Variants in PAEP observed in about 807,000 individuals in gnomAD.
The protein encoded by PAEP is progestagen associated endometrial protein.
A neutral mutation model predicts 23.0 loss-of-function variants in PAEP; 28 were observed. The observed-to-expected ratio is 1.22, with a 90% CI of 0.90 to 1.67. The LOEUF is 1.67. PAEP is among the 40% of genes most tolerant of loss of function. PAEP has a pLI of 0.00. For synonymous variants in PAEP, 103 were observed against 92.4 expected, an observed-to-expected ratio of 1.12 and a Z score of -0.66; for missense variants, 209 against 226.4, an observed-to-expected ratio of 0.92 and a Z score of 0.49.
chr9:135,562,182 C>T (rs2119021686), intron 1 of PAEP, 112 bp from the exon 2 acceptor site: 2 of 1,230,210 alleles, frequency 1.6e-6, no homozygotes, highest in East Asian at 2.5e-5. Context: ...AGATAGCAGA[C>T]AACCATCCAA....
At chr9:135,564,000 C>G (rs1000489982) in intron 3 of PAEP, among the ~76,000 whole-genome samples, 9 of 152,198 alleles carry the variant, frequency 5.9e-5, no homozygotes, top group African/African-American at 1.9e-4. Flanking sequence ...CCCTGCCTGC[C>G]GTGTCTGCCT....
At chr9:135,564,925 G>T (rs1157004551) in intron 4 of PAEP, 2 of 969,052 alleles carry the variant, frequency 2.1e-6, no homozygotes, top group African/African-American at 3.5e-5. Flanking sequence ...TACTCACTGG[G>T]CGTCCAGTCA....
intron 3 of PAEP, among the ~76,000 whole-genome samples, chr9:135,563,569 G>T (rs1277176930): frequency 6.6e-6 from 1 of 152,114 alleles, no homozygotes; most frequent in African/African-American, 2.4e-5. Flanking sequence ...GTTCCCGTGG[G>T]CCTGGCTGCC....
At position 135,562,436 on chromosome 9, in the gene PAEP, G is replaced by A. The variant is rs199808743; in HGVS notation, c.236+3G>A. The A allele has an allele frequency of 4.8e-5, 78 of 1,613,230 alleles. No homozygotes were observed. Among genetic ancestry groups the A allele is most frequent in the Non-Finnish European group, 6.2e-5 (73 of 1,179,630 alleles). The stretch of plus-strand genomic sequence containing the variant: ...CTGGAGATCGTTCTGCACAGATGGT[G>A]GGTTTCTCATCATTGAGACGGGCTG... On this transcript the variant is annotated splice_donor_region_variant and intron_variant, in intron 2 of 6. Transcript: ENST00000479141.
intron 4 of PAEP, 27 bp downstream of exon 4, chr9:135,564,381 C>G: frequency 1.3e-6 from 2 of 1,547,356 alleles, no homozygotes; most frequent in Non-Finnish European, 1.7e-6. Context: ...ATGAGCTCAA[C>G]GTGGGTGAGA....
intron 1 of PAEP, 94 bp downstream of exon 1, chr9:135,561,991 C>A: frequency 2.0e-6 from 2 of 1,002,034 alleles, no homozygotes; most frequent in Non-Finnish European, 3.0e-6. Context: ...CAGAAACCTA[C>A]AGGAAGCACA....
chr9:135,565,212 G>A, intron 4 of PAEP, 198 bp from the exon 5 acceptor site: 1 of 596,744 alleles, frequency 1.7e-6, no homozygotes, highest in Non-Finnish European at 3.0e-6. Flanking sequence ...AGGAGTGGGA[G>A]CTGGGGTCAG....
intron 3 of PAEP, among the ~76,000 whole-genome samples, chr9:135,563,867 G>C (rs1041855216): frequency 6.6e-6 from 1 of 151,892 alleles, no homozygotes; most frequent in Non-Finnish European, 1.5e-5. Flanking sequence ...CCCCAGAATC[G>C]AGCCACTCTC....
chr9:135,565,771 A>G lies in PAEP; in HGVS notation c.527-14A>G, dbSNP rs1205126756. On this transcript the variant is annotated splice_polypyrimidine_tract_variant and intron_variant, in intron 5 of 6. Coordinates refer to ENST00000479141, the MANE Select transcript of PAEP (RefSeq NM_002571.4). ...CTCTCGCTGACACCTCCACTGTCCC[A>G]TCTCCTCCCACAGAGCCGTGCCGTT... The G allele has an allele frequency of 6.2e-7, 1 of 1,613,878 alleles. No homozygotes were observed. The highest frequency in any genetic ancestry group is 1.1e-5 in the South Asian group (1 of 91,046).
rs538639707 is a variant in PAEP, at chr9:135,562,852, T to A, written c.269T>A (p.Leu90His). Residue 90 changes from leucine (L) to histidine (H), a missense_variant, in exon 3 of 7, where the codon CTT becomes CAT. Transcript: ENST00000479141. ...ENNSCVEKKV[L>H]GEKTENPKKF... ...AACAGCTGTGTTGAGAAGAAGGTCCTTGGAGAGAAGACTGAGAATCCAAAG... is the reference window on the plus strand; with the variant it reads ...AACAGCTGTGTTGAGAAGAAGGTCCATGGAGAGAAGACTGAGAATCCAAAG... 2 of 1,614,048 alleles carry A rather than the reference T, an allele frequency of 1.2e-6. No homozygotes were observed. The highest frequency in any genetic ancestry group is 2.2e-5 in the South Asian group (2 of 91,062).
At position 135,565,775 on chromosome 9, in the gene PAEP, C is replaced by T. The variant is rs764631815; in HGVS notation, c.527-10C>T. On this transcript the variant is annotated splice_polypyrimidine_tract_variant and intron_variant, in intron 5 of 6. Transcript: ENST00000479141. Reference sequence around the variant, plus strand: ...CGCTGACACCTCCACTGTCCCATCTCCTCCCACAGAGCCGTGCCGTTTCTA... The same window carrying T: ...CGCTGACACCTCCACTGTCCCATCTTCTCCCACAGAGCCGTGCCGTTTCTA... 2 of 1,614,150 alleles carry T rather than the reference C, an allele frequency of 1.2e-6. No individual in the cohort carries two copies. Among genetic ancestry groups the T allele is most frequent in the African/African-American group, 1.3e-5 (1 of 75,054 alleles).
chr9:135,563,075 G>A, intron 3 of PAEP, 182 bp downstream of exon 3: 2 of 592,072 alleles, frequency 3.4e-6, no homozygotes, highest in Non-Finnish European at 6.1e-6. Flanking sequence ...TCTTTTACCT[G>A]GAGGGCAGGG....
chr9:135,562,544 C>A, intron 2 of PAEP, 111 bp downstream of exon 2: 1 of 1,332,500 alleles, frequency 7.5e-7, no homozygotes. Flanking sequence ...CATTTTCTGA[C>A]AGCCAGGGGC....
At chr9:135,565,012 T>A (rs1214857968) in intron 4 of PAEP, among the ~76,000 whole-genome samples, 3 of 152,214 alleles carry the variant, frequency 2.0e-5, no homozygotes, top group African/African-American at 7.2e-5. Context: ...GCACAGCCCT[T>A]CCCCATGTTT....
chr9:135,562,966 C>A, intron 3 of PAEP, 73 bp downstream of exon 3: 1 of 1,209,308 alleles, frequency 8.3e-7, no homozygotes, highest in Non-Finnish European at 1.2e-6. Context: ...GGCGGCTCTG[C>A]TGGGGCATGA....
chr9:135,565,146 T>C (rs768162597), intron 4 of PAEP, among the ~76,000 whole-genome samples: 4 of 152,168 alleles, frequency 2.6e-5, no homozygotes, highest in Non-Finnish European at 5.9e-5. Flanking sequence ...GTAGACACCA[T>C]CCTAAGCTGT....
At position 135,562,823 on chromosome 9, in the gene PAEP, GAAC is replaced by G; in HGVS notation, c.245_247del (p.Asn82del). 6.2e-7 allele frequency: 1 copy of G among 1,613,228 alleles called. No individual in the cohort carries two copies. ...TCCTATTGTCACCACCTTTCAGGGA[GAAC>G]AACAGCTGTGTTGAGAAGAAGGTCC... On this transcript the variant is annotated inframe_deletion, in exon 3 of 7. Transcript: ENST00000479141.
At chr9:135,562,137 T>G (rs1240742358) in intron 1 of PAEP, among the ~76,000 whole-genome samples, 157 bp from the exon 2 acceptor site, 5 of 152,190 alleles carry the variant, frequency 3.3e-5, no homozygotes, top group African/African-American at 1.2e-4. Flanking sequence ...ACTGGTCATT[T>G]TAAGTACAGG....
chr9:135,565,743 C>T, intron 5 of PAEP, 42 bp from the exon 6 acceptor site: 2 of 1,613,240 alleles, frequency 1.2e-6, no homozygotes, highest in Non-Finnish European at 1.7e-6. Flanking sequence ...CCAGCTGTCT[C>T]TTCTCTCGCT....
Sources: gnomAD v4.1 joint callset for allele counts (sites outside exome capture counted in the v4.1 genomes callset) on GRCh38, gnomAD v4.1.1 for gene constraint, MANE v1.5 for transcripts, NCBI Gene and HGNC (gene_info 2026-07-23, HGNC 2026-07-21) for gene names.